The following HAT1 variants were observed in gnomAD, a reference collection of about 807,000 sequenced individuals.
The protein encoded by HAT1 is histone acetyltransferase 1.
HAT1 carries 20 observed loss-of-function variants against 56.6 expected under a neutral mutation model. That is an observed-to-expected ratio of 0.35 (90% CI 0.25 to 0.51). The LOEUF is 0.51. HAT1 is among the 20% of genes least tolerant of loss of function. The probability of loss-of-function intolerance (pLI) is 0.95; values close to 1 mark genes in which losing one functional copy is unlikely to be tolerated. For missense variants in HAT1, 408 were observed against 504.3 expected (o/e 0.81, Z 1.83); for synonymous variants, 146 against 165.5 (o/e 0.88, Z 0.91).
intron 2 of HAT1, among the ~76,000 whole-genome samples, chr2:171,941,682 C>A (rs146573384): frequency 6.6e-6 from 1 of 152,142 alleles, no homozygotes; most frequent in Admixed American, 6.5e-5. Flanking sequence ...TGACAGAAGG[C>A]GGCGCTCAGG....
chr2:171,934,929 T>C (rs1686832808), intron 2 of HAT1, among the ~76,000 whole-genome samples: 1 of 151,762 alleles, frequency 6.6e-6, no homozygotes, highest in African/African-American at 2.4e-5. Flanking sequence ...TTAATTTTTG[T>C]ATTTTTAGTA....
chr2:171,943,185 T>C (rs1687067002), intron 2 of HAT1, among the ~76,000 whole-genome samples: 1 of 151,654 alleles, frequency 6.6e-6, no homozygotes, highest in Non-Finnish European at 1.5e-5. Context: ...GCAGATCACC[T>C]GAGGTCAGGA....
intron 2 of HAT1, 129 bp from the exon 3 acceptor site, chr2:171,946,579 A>G (rs902267801): frequency 2.0e-5 from 13 of 638,878 alleles, no homozygotes; most frequent in Non-Finnish European, 3.6e-5. Flanking sequence ...TAATGGTGAA[A>G]TGACACTTTT....
At chr2:171,949,267 A>G (rs2105321623) in intron 3 of HAT1, among the ~76,000 whole-genome samples, 1 of 152,082 alleles carries the variant, frequency 6.6e-6, no homozygotes, top group Non-Finnish European at 1.5e-5. Flanking sequence ...GCTGAAGTGC[A>G]GTGGTGCGAT....
chr2:171,943,417 A>AAAAAG (rs1687077696), intron 2 of HAT1, among the ~76,000 whole-genome samples: 1 of 146,512 alleles, frequency 6.8e-6, no homozygotes, highest in African/African-American at 2.5e-5. Context: ...TCTCAAAAAA[A>AAAAAG]AAAAAAAAAA....
In HAT1 at chr2:171,922,590, C is replaced by T. The variant is rs376708080; in HGVS notation, c.7+83C>T. Reference sequence around the variant, plus strand: ...GCCGAGACGGTGGTGACAATGCCCGCCTAGAACTTTCGGGCTGTAGCCTGG... The same window carrying T: ...GCCGAGACGGTGGTGACAATGCCCGTCTAGAACTTTCGGGCTGTAGCCTGG... On this transcript the variant is annotated intron_variant, in intron 1 of 10. Transcript: ENST00000264108. The T allele has an allele frequency of 1.6e-4, 188 of 1,155,276 alleles. 1 individual carries two copies. The highest frequency in any genetic ancestry group is 2.3e-4 in the Admixed American group (7 of 30,844). 71.6% of individuals were successfully genotyped at this position (1,155,276 alleles called of 1,614,324 possible). A position where few individuals can be genotyped will look rare whatever the true frequency, so the allele number is the denominator to read the frequency against.
chr2:171,948,374 G>A (rs1443759174), intron 3 of HAT1, among the ~76,000 whole-genome samples: 1 of 151,988 alleles, frequency 6.6e-6, no homozygotes, highest in Non-Finnish European at 1.5e-5. Context: ...ACAGGCGCCC[G>A]CCACCACACC....
chr2:171,950,878 C>T (rs1430739957), intron 3 of HAT1, among the ~76,000 whole-genome samples: 4 of 151,714 alleles, frequency 2.6e-5, no homozygotes, highest in South Asian at 2.1e-4. Flanking sequence ...GGTGCGATCT[C>T]GGCTCACTGC....
chr2:171,981,314 G>A (rs796979090), intron 10 of HAT1, among the ~76,000 whole-genome samples: 2 of 152,150 alleles, frequency 1.3e-5, no homozygotes, highest in African/African-American at 4.8e-5. Flanking sequence ...TACCTATAGG[G>A]TTATACATCA....
chr2:171,945,584 C>G (rs952373795), intron 2 of HAT1, among the ~76,000 whole-genome samples: 1 of 151,300 alleles, frequency 6.6e-6, no homozygotes, highest in African/African-American at 2.4e-5. Flanking sequence ...ACCTCTACCT[C>G]CTGGATTTAA....
At chr2:171,949,673 C>CAA (rs71013094) in intron 3 of HAT1, among the ~76,000 whole-genome samples, 25 of 128,016 alleles carry the variant, frequency 2.0e-4, no homozygotes, top group Admixed American at 1.3e-3. Flanking sequence ...GACTCTGTCT[C>CAA]AAAAAAAAAA....
chr2:171,981,210 G>A (rs1209529808), intron 10 of HAT1, among the ~76,000 whole-genome samples: 2 of 151,964 alleles, frequency 1.3e-5, no homozygotes, highest in African/African-American at 4.8e-5. Flanking sequence ...GCTGAGTAGT[G>A]GGATGATTGG....
intron 8 of HAT1, among the ~76,000 whole-genome samples, chr2:171,970,666 C>T (rs1275178133): frequency 5.3e-5 from 8 of 149,534 alleles, no homozygotes; most frequent in Non-Finnish European, 1.0e-4. Flanking sequence ...ACTACAGGTG[C>T]GTGCCACCAT....
intron 2 of HAT1, among the ~76,000 whole-genome samples, chr2:171,938,031 TC>T (rs1686916372): frequency 1.6e-5 from 1 of 63,214 alleles, no homozygotes; most frequent in Admixed American, 1.5e-4. Context: ...TGATTCTCTC[TC>T]TCTCTCTCTC....
At chr2:171,974,394 T>C (rs752286104) in intron 8 of HAT1, among the ~76,000 whole-genome samples, 4 of 152,210 alleles carry the variant, frequency 2.6e-5, no homozygotes, top group Admixed American at 2.0e-4. Context: ...ATTGTTTTAG[T>C]ATGTAGAAAT....
At chr2:171,978,300 G>A (rs2105347902) in intron 9 of HAT1, among the ~76,000 whole-genome samples, 1 of 152,120 alleles carries the variant, frequency 6.6e-6, no homozygotes, top group South Asian at 2.1e-4. Flanking sequence ...GCCCACCTTG[G>A]CCTCCCAAAG....
intron 4 of HAT1, 84 bp downstream of exon 4, chr2:171,953,085 C>T: frequency 2.4e-6 from 2 of 818,704 alleles, no homozygotes; most frequent in Non-Finnish European, 3.7e-6. Flanking sequence ...TGGCTCACAC[C>T]TGTAACCCCA....
chr2:171,951,266 C>T (rs1378027382), intron 3 of HAT1, among the ~76,000 whole-genome samples: 2 of 152,184 alleles, frequency 1.3e-5, no homozygotes, highest in Non-Finnish European at 2.9e-5. Flanking sequence ...TTCAGCCTTT[C>T]ATATTTTAAA....
chr2:171,966,501 G>A lies in HAT1; in HGVS notation c.704G>A (p.Arg235Gln), dbSNP rs760480132. The A allele has an allele frequency of 1.3e-6, 2 of 1,536,980 alleles. No individual in the cohort carries two copies. The highest frequency in any genetic ancestry group is 1.1e-5 in the South Asian group (1 of 89,520). ...TACTATGTGTACCCAGACAAAACCC[G>A]GCCACGTGTAAGGTAATTGGCAGTA... Reference protein sequence around the residue: ...YNYYVYPDKTRPRVSQMLILT... With the variant: ...YNYYVYPDKTQPRVSQMLILT... The change falls in exon 7 of 11, where the codon CGG becomes CAG. Residue 235 changes from arginine (R) to glutamine (Q), a missense_variant. Physicochemically the swap from Arg to Gln is conservative, Grantham distance 43. Transcript: ENST00000264108.
Sources: allele counts gnomAD v4.1 joint callset (sites outside exome capture counted in the v4.1 genomes callset), GRCh38; gene constraint gnomAD v4.1.1; transcripts MANE v1.5; gene names NCBI Gene and HGNC (gene_info 2026-07-23, HGNC 2026-07-21).